Variants in USP8 observed in about 807,000 individuals in gnomAD.
USP8 encodes the protein ubiquitin carboxyl-terminal hydrolase 8.
In USP8, 27 loss-of-function variants were observed where a neutral mutation model predicts 130.0. The ratio of observed to expected loss-of-function variants is 0.21; its 90% CI spans 0.15 to 0.29. USP8 has a LOEUF of 0.29. USP8 is among the 10% of genes least tolerant of loss of function. The pLI is 1.00. For missense variants in USP8, 1,029 were observed against 1,312.2 expected, an observed-to-expected ratio of 0.78 and a Z score of 3.33; for synonymous variants, 392 against 444.1, an observed-to-expected ratio of 0.88 and a Z score of 1.48.
rs2052772561 is a variant in USP8 at position 50,513,918 on chromosome 15, A to G, written c.*14830A>G. 6.6e-6 allele frequency: 1 copy of G among 152,194 alleles called. No homozygotes were observed. Among genetic ancestry groups the G allele is most frequent in the African/African-American group, 2.4e-5 (1 of 41,450 alleles). The allele number at this position is 152,194 out of a possible 1,614,324, so 9.4% of individuals were successfully genotyped here. A position where few individuals can be genotyped will look rare whatever the true frequency, so the allele number is the denominator to read the frequency against. ...TGAACCAGGAGTTTCACTCCTAGGT[A>G]TGTACTCAAAAGAACTGTGTACACT... On this transcript the variant is annotated 3_prime_UTR_variant, in exon 20 of 20. Coordinates refer to ENST00000307179, the MANE Select transcript of USP8 (RefSeq NM_005154.5).
At chr15:50,460,485 T>A (rs2050954642) in intron 5 of USP8, among the ~76,000 whole-genome samples, 1 of 151,460 alleles carries the variant, frequency 6.6e-6, no homozygotes, top group African/African-American at 2.4e-5. Flanking sequence ...ATTTTCGTAT[T>A]TTTAGTAGAG....
At position 50,504,152 on chromosome 15, in the gene USP8, T is replaced by C. The variant is rs1188322479; in HGVS notation, c.*5064T>C. ...TACAGTGTAACAACTATTTACATAG[T>C]ATTTATATTGTATTAGATATTATAA... is the stretch of plus-strand genomic sequence containing the variant. On this transcript the variant is annotated 3_prime_UTR_variant, in exon 20 of 20. Coordinates refer to ENST00000307179, the MANE Select transcript of USP8 (RefSeq NM_005154.5). The C allele has an allele frequency of 2.6e-5, 4 of 152,174 alleles. No individual in the cohort carries two copies. The highest frequency in any genetic ancestry group is 7.2e-5 in the African/African-American group (3 of 41,426). 9.4% of individuals were successfully genotyped at this position (152,174 alleles called of 1,614,324 possible). A position where few individuals can be genotyped will look rare whatever the true frequency, so the allele number is the denominator to read the frequency against.
At chr15:50,469,008 C>G (rs2141289280) in intron 7 of USP8, among the ~76,000 whole-genome samples, 1 of 152,062 alleles carries the variant, frequency 6.6e-6, no homozygotes, top group Non-Finnish European at 1.5e-5. Flanking sequence ...TTTTTGTCTG[C>G]TTTTGTACTT....
intron 15 of USP8, 152 bp downstream of exon 15, chr15:50,493,065 G>C: frequency 1.2e-6 from 1 of 835,526 alleles, no homozygotes; most frequent in Non-Finnish European, 2.0e-6. Context: ...CTTAGTTCTT[G>C]ACTGGGAAGG....
intron 1 of USP8, among the ~76,000 whole-genome samples, chr15:50,435,621 A>C (rs1329947361): frequency 1.3e-5 from 2 of 152,228 alleles, no homozygotes; most frequent in Non-Finnish European, 2.9e-5. Context: ...GTGATTGTAG[A>C]GGCTCAAATA....
At position 50,488,518 on chromosome 15, in the gene USP8, G is replaced by A. The variant is rs530644639; in HGVS notation, c.1891-1283G>A. On this transcript the variant is annotated intron_variant, in intron 12 of 19. Coordinates refer to ENST00000307179, the MANE Select transcript of USP8 (RefSeq NM_005154.5). ...CCCACCTCGGCTTCCTGAGTAGCTA[G>A]GACCACAGGTGCATGCCATCACATC... Among the ~76,000 whole-genome samples, 3 of 147,764 alleles carry A rather than the reference G, an allele frequency of 2.0e-5. No individual in the cohort carries two copies. The Middle Eastern group carries it at 0.011, about 532-fold the overall frequency.
At chr15:50,486,413 G>A (rs1256259380) in intron 12 of USP8, among the ~76,000 whole-genome samples, 4 of 152,074 alleles carry the variant, frequency 2.6e-5, no homozygotes, top group Admixed American at 2.6e-4. Context: ...CCTGATCCTG[G>A]GAAGGTCAAG....
Position 50,490,446 on chromosome 15 carries a change from T to G in USP8, c.2155T>G (p.Ser719Ala), listed in dbSNP as rs747160985. ...TTCCAAACTGAAGCGCTCCTACTCC[T>G]CCCCAGATATAACCCAGGCTATTCA... ...EPSKLKRSYSSPDITQAIQEE... is the reference protein window; with the variant it reads ...EPSKLKRSYSAPDITQAIQEE... Residue 719 changes from serine (S) to alanine (A), a missense_variant, in exon 14 of 20, where the codon TCC (serine) becomes GCC (alanine). Physicochemically the swap from Ser to Ala is moderately conservative, Grantham distance 99. Transcript: ENST00000307179. The G allele has an allele frequency of 6.2e-7, 1 of 1,614,132 alleles. No homozygotes were observed.
intron 4 of USP8, among the ~76,000 whole-genome samples, chr15:50,456,532 C>G (rs147196770): frequency 6.6e-6 from 1 of 150,880 alleles, no homozygotes; most frequent in Admixed American, 6.7e-5. Flanking sequence ...CGAGATCCCA[C>G]CACTGCTCTC....
In USP8 at chr15:50,500,866, T is replaced by G; in HGVS notation, c.*1778T>G. The G allele has an allele frequency of 6.5e-7, 1 of 1,539,978 alleles. No individual in the cohort carries two copies. Among genetic ancestry groups the G allele is most frequent in the South Asian group, 1.2e-5 (1 of 84,216 alleles). On this transcript the variant is annotated 3_prime_UTR_variant, in exon 20 of 20. Coordinates refer to ENST00000307179, the MANE Select transcript of USP8 (RefSeq NM_005154.5). ...TGGGAGAAAGGAATGTCAAACTTAG[T>G]ATTCACATATGAACACTAACTACTG... is the stretch of plus-strand genomic sequence containing the variant.
intron 7 of USP8, among the ~76,000 whole-genome samples, chr15:50,468,992 A>G (rs1468933563): frequency 6.6e-6 from 1 of 151,848 alleles, no homozygotes; most frequent in African/African-American, 2.4e-5. Context: ...CTGACAGAAT[A>G]TATTCTTTTT....
Position 50,424,444 on chromosome 15 carries a change from C to T in USP8, c.-136C>T, listed in dbSNP as rs568898757. On this transcript the variant is annotated 5_prime_UTR_variant, in exon 1 of 20. Transcript: ENST00000307179. ...TCCGTCCTGGTAGCCAAGGCTAATT[C>T]TCCCTCGAGTTCTTGGGAGATGGGC... The T allele has an allele frequency of 5.0e-6, 2 of 398,592 alleles. No homozygotes were observed. Among genetic ancestry groups the T allele is most frequent in the Non-Finnish European group, 8.8e-6 (2 of 226,124 alleles). 24.7% of individuals were successfully genotyped at this position (398,592 alleles called of 1,614,324 possible).
chr15:50,449,890 C>CTTTT (rs1198558839), intron 4 of USP8, among the ~76,000 whole-genome samples: 9 of 78,914 alleles, frequency 1.1e-4, no homozygotes, highest in Non-Finnish European at 1.4e-4. Flanking sequence ...CCCAATATTT[C>CTTTT]TTTTTTTTTT....
intron 10 of USP8, 51 bp from the exon 11 acceptor site, chr15:50,481,430 T>C: frequency 7.4e-7 from 1 of 1,347,608 alleles, no homozygotes; most frequent in South Asian, 1.7e-5. Context: ...AGAACTGAGG[T>C]TATTTCCTGA....
At position 50,460,575 on chromosome 15, in the gene USP8, T is replaced by C. The variant is rs192544389; in HGVS notation, c.498+1413T>C. 7.9e-5 allele frequency among the ~76,000 whole-genome samples: 12 copies of C among 151,696 alleles called. No homozygotes were observed. The East Asian group carries it at 2.3e-3, about 30-fold the overall frequency. ...CTACCCACCTTGGCCTCCCAAAGTGTTGGGATTATAGGAGTGAGCCACCAC... is the reference window on the plus strand; with the variant it reads ...CTACCCACCTTGGCCTCCCAAAGTGCTGGGATTATAGGAGTGAGCCACCAC... On this transcript the variant is annotated intron_variant, in intron 5 of 19. Transcript: ENST00000307179.
intron 7 of USP8, among the ~76,000 whole-genome samples, chr15:50,468,342 CCTCATGT>C (rs1271508269): frequency 6.7e-6 from 1 of 148,368 alleles, no homozygotes; most frequent in Non-Finnish European, 1.5e-5. Flanking sequence ...TTCAATTGAT[CCTCATGT>C]CTCATGTCTC....
At position 50,513,645 on chromosome 15, in the gene USP8, T is replaced by C. The variant is rs1407170135; in HGVS notation, c.*14557T>C. 2 of 149,990 alleles carry C rather than the reference T, an allele frequency of 1.3e-5. No homozygotes were observed. Among genetic ancestry groups the C allele is most frequent in the African/African-American group, 4.9e-5 (2 of 40,556 alleles). 9.3% of individuals were successfully genotyped at this position (149,990 alleles called of 1,614,324 possible). On this transcript the variant is annotated 3_prime_UTR_variant, in exon 20 of 20. Coordinates refer to ENST00000307179, the MANE Select transcript of USP8 (RefSeq NM_005154.5). ...GCAGGCCACAGAATAGGAAAAAGAA[T>C]AAAAGACTTGTTTAGGCATTTCACA... is the stretch of plus-strand genomic sequence containing the variant.
At chr15:50,443,341 C>T (rs1400696544) in intron 3 of USP8, among the ~76,000 whole-genome samples, 1 of 151,852 alleles carries the variant, frequency 6.6e-6, no homozygotes, top group Non-Finnish European at 1.5e-5. Flanking sequence ...GCCACTGTGC[C>T]TGGCCACTTA....
intron 5 of USP8, among the ~76,000 whole-genome samples, chr15:50,459,996 C>CCCCCCCCCCTTT (rs567135111): frequency 1.1e-5 from 1 of 91,986 alleles, no homozygotes; most frequent in Non-Finnish European, 2.1e-5. Context: ...CACCCCCCCC[C>CCCCCCCCCCTTT]TTTTTTTTTT....
Sources: allele counts gnomAD v4.1 joint callset (sites outside exome capture counted in the v4.1 genomes callset), GRCh38; gene constraint gnomAD v4.1.1; transcripts MANE v1.5; gene names NCBI Gene and HGNC (gene_info 2026-07-23, HGNC 2026-07-21).